Variants in SH3D19 observed in about 807,000 individuals in gnomAD.
SH3D19 encodes the protein SH3 domain containing 19.
SH3D19 carries 58 observed loss-of-function variants against 112.1 expected under a neutral mutation model. The ratio of observed to expected loss-of-function variants is 0.52; its 90% CI spans 0.42 to 0.64. The LOEUF is 0.64. Ranked by LOEUF, SH3D19 falls within the 30% of genes least tolerant of loss-of-function variation. The pLI is 0.00. For missense variants in SH3D19, 1,090 were observed against 1,263.4 expected (o/e 0.86, Z 2.08); for synonymous variants, 391 against 448.5 (o/e 0.87, Z 1.62).
intron 12 of SH3D19, chr4:151,140,097 T>G: frequency 2.3e-6 from 1 of 435,592 alleles, no homozygotes; most frequent in East Asian, 4.0e-5. Context: ...TTTTGCTTTT[T>G]TAAGCTGAGA....
chr4:151,139,644 A>G, intron 13 of SH3D19, 131 bp downstream of exon 13: 1 of 702,208 alleles, frequency 1.4e-6, no homozygotes, highest in South Asian at 1.8e-5. Context: ...GGATAAGATG[A>G]CCTCTCCAGT....
chr4:151,126,213 C>G (rs28593016), intron 19 of SH3D19, among the ~76,000 whole-genome samples: 1 of 152,064 alleles, frequency 6.6e-6, no homozygotes, highest in Admixed American at 6.6e-5. Flanking sequence ...GTGTGAGCCA[C>G]TGTTGCTCGG....
intron 1 of SH3D19, among the ~76,000 whole-genome samples, chr4:151,257,303 G>A (rs1772005625): frequency 6.6e-6 from 1 of 152,096 alleles, no homozygotes; most frequent in South Asian, 2.1e-4. Context: ...GGCCAGGCTA[G>A]TCTCGAACTC....
chr4:151,284,013 G>A (rs1043972068), intron 1 of SH3D19, among the ~76,000 whole-genome samples: 4 of 151,986 alleles, frequency 2.6e-5, no homozygotes, highest in African/African-American at 9.7e-5. Context: ...CTTTACCTTT[G>A]ATTGTCAGCA....
chr4:151,186,585 C>G (rs1361119829), intron 3 of SH3D19, among the ~76,000 whole-genome samples: 2 of 151,574 alleles, frequency 1.3e-5, no homozygotes, highest in Non-Finnish European at 2.9e-5. Flanking sequence ...AGGTGCCTGC[C>G]ACCACGCCCA....
intron 2 of SH3D19, among the ~76,000 whole-genome samples, chr4:151,212,236 C>T (rs1320000516): frequency 1.3e-5 from 2 of 152,226 alleles, no homozygotes; most frequent in African/African-American, 4.8e-5. Flanking sequence ...TCATGACAGC[C>T]TCAACCTTCT....
intron 1 of SH3D19, among the ~76,000 whole-genome samples, chr4:151,288,349 T>A (rs924608680): frequency 6.6e-6 from 1 of 152,140 alleles, no homozygotes; most frequent in African/African-American, 2.4e-5. Flanking sequence ...TAGTCACAGA[T>A]GACATGATTT....
intron 1 of SH3D19, chr4:151,262,867 C>T (rs994671371): frequency 1.3e-5 from 2 of 152,320 alleles, no homozygotes; most frequent in Admixed American, 6.5e-5. Flanking sequence ...TCTCCCATCT[C>T]GCTTGCTGAG....
At chr4:151,199,614 CTCT>C (rs1473753740) in intron 2 of SH3D19, among the ~76,000 whole-genome samples, 1 of 152,170 alleles carries the variant, frequency 6.6e-6, no homozygotes, top group Non-Finnish European at 1.5e-5. Context: ...CATTCATTCC[CTCT>C]TCTTTCCTGC....
intron 18 of SH3D19, 76 bp downstream of exon 18, chr4:151,128,094 G>T: frequency 1.6e-6 from 2 of 1,239,484 alleles, no homozygotes; most frequent in Non-Finnish European, 2.2e-6. Flanking sequence ...TGGCCAGAGG[G>T]GAAAGGAATG....
At position 151,175,140 on chromosome 4, in the gene SH3D19, C is replaced by G. The variant is rs1438216306; in HGVS notation, c.1064G>C (p.Arg355Thr). Residue 355 changes from arginine (R) to threonine (T), a missense_variant, in exon 7 of 20, where the codon AGA becomes ACA. Arg to Thr is a moderately conservative substitution (Grantham distance 71). Coordinates refer to ENST00000604030, the MANE Select transcript of SH3D19 (RefSeq NM_001378122.1). ...SGEWDSGTEN[R>T]LKVTSKEGLT... ...TCCTTCCTTGGAGGTCACCTTGAGT[C>G]TGTTCTCAGTCCCAGAGTCCCACTC... 2 of 1,614,130 alleles carry G rather than the reference C, an allele frequency of 1.2e-6. No individual in the cohort carries two copies. The highest frequency in any genetic ancestry group is 2.2e-5 in the South Asian group (2 of 91,080).
At chr4:151,162,279 A>C (rs1178408245) in intron 8 of SH3D19, among the ~76,000 whole-genome samples, 3 of 152,052 alleles carry the variant, frequency 2.0e-5, no homozygotes, top group Admixed American at 2.0e-4. Flanking sequence ...TAGCATGCTG[A>C]GAATGATGGC....
At position 151,121,995 on chromosome 4, in the gene SH3D19, TTTTCAG is replaced by T. The variant is rs1176575587; in HGVS notation, c.*90_*95del. On this transcript the variant is annotated 3_prime_UTR_variant, in exon 20 of 20. Transcript: ENST00000604030. Reference sequence around the variant, plus strand: ...TACCATGTACAGCTTAGATATTTCTTTTTCAGTTAAAAAAAATAGTGCAAAAACATA... The same window carrying T: ...TACCATGTACAGCTTAGATATTTCTTTTAAAAAAAATAGTGCAAAAACATA... The T allele has an allele frequency of 2.9e-6, 2 of 695,136 alleles. No individual in the cohort carries two copies. The highest frequency in any genetic ancestry group is 1.8e-5 in the African/African-American group (1 of 56,256). 43.1% of individuals were successfully genotyped at this position (695,136 alleles called of 1,614,324 possible).
chr4:151,301,205 A>T (rs1190352690), intron 1 of SH3D19, among the ~76,000 whole-genome samples: 1 of 152,174 alleles, frequency 6.6e-6, no homozygotes, highest in Non-Finnish European at 1.5e-5. Context: ...TTCTCACAAC[A>T]GAGTTCTCGT....
At chr4:151,263,075 T>A (rs1190015415) in intron 1 of SH3D19, among the ~76,000 whole-genome samples, 1 of 152,222 alleles carries the variant, frequency 6.6e-6, no homozygotes, top group African/African-American at 2.4e-5. Context: ...CAGACGCAGT[T>A]CTGCTGTCCC....
At chr4:151,204,135 A>C (rs1311683850) in intron 2 of SH3D19, among the ~76,000 whole-genome samples, 1 of 152,204 alleles carries the variant, frequency 6.6e-6, no homozygotes, top group African/African-American at 2.4e-5. Flanking sequence ...GGTTTATAGA[A>C]AGTAATAGAA....
chr4:151,291,409 G>A lies in SH3D19; in HGVS notation c.112+33832C>T, dbSNP rs759665136. 7 of 1,613,854 alleles carry A rather than the reference G, an allele frequency of 4.3e-6. No homozygotes were observed. Among genetic ancestry groups the A allele is most frequent in the Admixed American group, 1.7e-5 (1 of 60,008 alleles). ...AGCTGAAGCTGTTGCTTGCATACAG[G>A]GCTGGGAAGAGAATGCATGGAGATT... is the stretch of plus-strand genomic sequence containing the variant. On this transcript the variant is annotated intron_variant, in intron 1 of 19. Transcript: ENST00000604030.
chr4:151,301,850 A>G (rs1315841075), intron 1 of SH3D19, among the ~76,000 whole-genome samples: 1 of 152,184 alleles, frequency 6.6e-6, no homozygotes, highest in East Asian at 1.9e-4. Context: ...AAATAAGCAA[A>G]CTGAGAGAAC....
chr4:151,179,323 A>T, intron 4 of SH3D19, 32 bp downstream of exon 4: 1 of 1,166,388 alleles, frequency 8.6e-7, no homozygotes, highest in Non-Finnish European at 1.1e-6. Context: ...TATTAGTCTA[A>T]TATATGTCCT....
Sources: allele counts gnomAD v4.1 joint callset (sites outside exome capture counted in the v4.1 genomes callset), GRCh38; gene constraint gnomAD v4.1.1; transcripts MANE v1.5; gene names NCBI Gene and HGNC (gene_info 2026-07-23, HGNC 2026-07-21).